The following NALF1 variants were observed in gnomAD, a reference collection of about 807,000 sequenced individuals.
The protein encoded by NALF1 is family with sequence similarity 155 member A.
A neutral mutation model predicts 48.4 loss-of-function variants in NALF1; 3 were observed. The observed-to-expected ratio is 0.06, with a 90% confidence interval of 0.03 to 0.16. The LOEUF is 0.16. NALF1 is among the 10% of genes least tolerant of loss of function. The pLI is 1.00. For synonymous variants in NALF1, 262 were observed against 245.7 expected (o/e 1.07, Z -0.62); for missense variants, 526 against 571.5 (o/e 0.92, Z 0.81).
chr13:107,337,948 T>G (rs985917307), intron 1 of NALF1, among the ~76,000 whole-genome samples: 2 of 152,078 alleles, frequency 1.3e-5, no homozygotes, highest in African/African-American at 4.8e-5. Flanking sequence ...AACAGCAACA[T>G]AAAAAATTGT....
At position 107,664,625 on chromosome 13, in the gene NALF1, C is replaced by T. The variant is rs148546744; in HGVS notation, c.915+201057G>A. Among the ~76,000 whole-genome samples the T allele has an allele frequency of 5.9e-3, 896 of 152,302 alleles. 5 individuals carry two copies. Among genetic ancestry groups the T allele is most frequent in the African/African-American group, 0.021 (854 of 41,566 alleles). On this transcript the variant is annotated intron_variant, in intron 1 of 2. Transcript: ENST00000375915. ...AGAAAATGACTTCTCTCCTATTCTA[C>T]TCATCTCCAAGTTTCCCTGGTTTTT...
At chr13:107,697,677 T>A (rs1881729970) in intron 1 of NALF1, among the ~76,000 whole-genome samples, 2 of 149,238 alleles carry the variant, frequency 1.3e-5, no homozygotes, top group African/African-American at 4.9e-5. Flanking sequence ...AGGAAAAAAA[T>A]TCATTTTTCC....
chr13:107,643,560 A>T (rs1880222884), intron 1 of NALF1, among the ~76,000 whole-genome samples: 1 of 151,706 alleles, frequency 6.6e-6, no homozygotes, highest in South Asian at 2.1e-4. Context: ...GGGTGAAACG[A>T]AATGACAATT....
intron 1 of NALF1, among the ~76,000 whole-genome samples, chr13:107,536,304 G>C (rs1460628524): frequency 6.8e-6 from 1 of 147,786 alleles, no homozygotes; most frequent in East Asian, 2.0e-4. Flanking sequence ...TACAAAATGG[G>C]AGAAAAATTT....
At chr13:107,676,332 G>A (rs1048767373) in intron 1 of NALF1, among the ~76,000 whole-genome samples, 3 of 152,178 alleles carry the variant, frequency 2.0e-5, no homozygotes, top group Non-Finnish European at 4.4e-5. Context: ...GGGAATTCCT[G>A]TGTGAAGATT....
chr13:107,324,586 T>C (rs761398563), intron 1 of NALF1, among the ~76,000 whole-genome samples: 4 of 152,136 alleles, frequency 2.6e-5, no homozygotes, highest in South Asian at 2.1e-4. Flanking sequence ...TATCATTGCA[T>C]AGAGGAGTAA....
intron 1 of NALF1, among the ~76,000 whole-genome samples, chr13:107,814,964 T>G (rs1766797396): frequency 6.6e-6 from 1 of 152,122 alleles, no homozygotes; most frequent in Non-Finnish European, 1.5e-5. Context: ...ATGTTGGAAG[T>G]CATACAAGTA....
Position 107,502,673 on chromosome 13 carries a change from T to G in NALF1, c.916-291918A>C, listed in dbSNP as rs964877178. Among the ~76,000 whole-genome samples the G allele has an allele frequency of 1.3e-5, 2 of 152,158 alleles. 1 individual carries two copies. The highest frequency in any genetic ancestry group is 1.3e-4 in the Admixed American group (2 of 15,268). On this transcript the variant is annotated intron_variant, in intron 1 of 2. Transcript: ENST00000375915. ...CCATTTAAACAACACATTCCAGATA[T>G]TACATATTTTTTCAGACCATGAGAG...
At chr13:107,244,724 C>A (rs1210818496) in intron 1 of NALF1, among the ~76,000 whole-genome samples, 1 of 152,156 alleles carries the variant, frequency 6.6e-6, no homozygotes, top group African/African-American at 2.4e-5. Flanking sequence ...AAAGAAAACA[C>A]AGAAAGGCAG....
chr13:107,645,802 T>C (rs1286396091), intron 1 of NALF1, among the ~76,000 whole-genome samples: 1 of 152,076 alleles, frequency 6.6e-6, no homozygotes, highest in Non-Finnish European at 1.5e-5. Context: ...ACCGGCACCA[T>C]GTATTGACTT....
intron 1 of NALF1, among the ~76,000 whole-genome samples, chr13:107,249,193 ATTCT>A (rs964857097): frequency 2.6e-5 from 4 of 152,130 alleles, no homozygotes; most frequent in African/African-American, 7.2e-5. Flanking sequence ...AGCAAAATTT[ATTCT>A]TTGAGATTTT....
chr13:107,274,878 C>CA (rs889401217), intron 1 of NALF1, among the ~76,000 whole-genome samples: 1 of 151,590 alleles, frequency 6.6e-6, no homozygotes, highest in Non-Finnish European at 1.5e-5. Context: ...GCTTGGAAGC[C>CA]AAAAAAATAA....
chr13:107,639,565 C>T (rs1420825795), intron 1 of NALF1, among the ~76,000 whole-genome samples: 3 of 150,880 alleles, frequency 2.0e-5, no homozygotes, highest in Non-Finnish European at 3.0e-5. Flanking sequence ...ACTCCACGCC[C>T]TGTGCCCTGA....
At chr13:107,325,855 C>CATATATATATATATAT (rs1228535140) in intron 1 of NALF1, among the ~76,000 whole-genome samples, 4 of 54,054 alleles carry the variant, frequency 7.4e-5, no homozygotes, top group African/African-American at 1.9e-4. Context: ...CACACACACA[C>CATATATATATATATAT]ATATATATAT....
Position 107,680,684 on chromosome 13 carries a change from A to ATG in NALF1, c.915+184996_915+184997dup, listed in dbSNP as rs746894502. Among the ~76,000 whole-genome samples, 1,332 of 151,686 alleles carry ATG rather than the reference A, an allele frequency of 8.8e-3. 20 individuals carry two copies. Among genetic ancestry groups the ATG allele is most frequent in the African/African-American group, 0.03 (1,234 of 41,290 alleles). On this transcript the variant is annotated intron_variant, in intron 1 of 2. Coordinates refer to ENST00000375915, the MANE Select transcript of NALF1 (RefSeq NM_001080396.3). ...TATGTGTAAGGATGCAAATGTAAGA[A>ATG]TGTGTGTGTGTGTCCATGAGAAAGG...
chr13:107,445,652 T>C (rs1255211427), intron 1 of NALF1, among the ~76,000 whole-genome samples: 1 of 152,224 alleles, frequency 6.6e-6, no homozygotes, highest in Non-Finnish European at 1.5e-5. Flanking sequence ...ATTTCCAGAA[T>C]GTCAGTGACA....
intron 1 of NALF1, among the ~76,000 whole-genome samples, chr13:107,212,594 T>C (rs1293408278): frequency 6.6e-6 from 1 of 152,122 alleles, no homozygotes; most frequent in Non-Finnish European, 1.5e-5. Context: ...AAAAGTGAAA[T>C]GATTTCTTAA....
At chr13:107,338,329 GGACT>G (rs1882600597) in intron 1 of NALF1, among the ~76,000 whole-genome samples, 1 of 152,068 alleles carries the variant, frequency 6.6e-6, no homozygotes, top group African/African-American at 2.4e-5. Flanking sequence ...CTGGAATAGG[GGACT>G]GAGTACAAGT....
At chr13:107,344,576 A>G (rs574148148) in intron 1 of NALF1, among the ~76,000 whole-genome samples, 38 of 152,320 alleles carry the variant, frequency 2.5e-4, no homozygotes, top group Admixed American at 2.2e-3. Context: ...CAAAGAACAC[A>G]AATCACATGC....
Sources: allele counts gnomAD v4.1 joint callset (sites outside exome capture counted in the v4.1 genomes callset), GRCh38; gene constraint gnomAD v4.1.1; transcripts MANE v1.5; gene names NCBI Gene and HGNC (gene_info 2026-07-23, HGNC 2026-07-21).